MOK: variants seen among roughly 807,000 people sequenced by gnomAD.
MOK encodes the protein MAPK/MAK/MRK overlapping kinase.
A neutral mutation model predicts 54.2 loss-of-function variants in MOK; 59 were observed. The observed-to-expected ratio is 1.09, with a 90% confidence interval of 0.88 to 1.35. The LOEUF is 1.35. Among genes scored for constraint, MOK ranks in the 40% most tolerant of loss-of-function variants. The pLI is 0.00. For synonymous variants in MOK, 210 were observed against 202.7 expected (o/e 1.04, Z -0.31); for missense variants, 517 against 526.2 (o/e 0.98, Z 0.17).
At chr14:102,228,624 G>T (rs1244884310), downstream of MOK, among the ~76,000 whole-genome samples, 2 of 151,186 alleles carry the variant, frequency 1.3e-5, no homozygotes, top group South Asian at 4.2e-4. Flanking sequence ...CCTTGAACCC[G>T]GGAGGTGGAG....
downstream of MOK, chr14:102,226,406 G>A (rs974000779): frequency 1.0e-5 from 7 of 702,980 alleles, no homozygotes; most frequent in African/African-American, 3.5e-5. The surrounding 1 kb of genome is among the most constrained non-coding windows in gnomAD (Gnocchi z 4.8). Context: ...TCCGTTCTGG[G>A]TTCTGTGGGG....
rs954609475 is a variant in MOK, at chr14:102,235,906, C to T, written c.591-2117G>A. 1.3e-5 allele frequency among the ~76,000 whole-genome samples: 2 copies of T among 152,126 alleles called. No homozygotes were observed. Among genetic ancestry groups the T allele is most frequent in the Non-Finnish European group, 2.9e-5 (2 of 68,018 alleles). On this transcript the variant is annotated intron_variant, in intron 7 of 11. Transcript: ENST00000361847. The surrounding 1 kb of genome is among the most constrained non-coding windows in gnomAD (Gnocchi z 4.4). ...TAAATTAGATAAAGCCCAAAGAGAT[C>T]GTGCTAAATACCAGCTTCTAGCAGC...
intron 2 of MOK, among the ~76,000 whole-genome samples, chr14:102,282,479 A>T (rs2069547732): frequency 6.6e-6 from 1 of 152,150 alleles, no homozygotes; most frequent in East Asian, 1.9e-4. Flanking sequence ...TCATGCCTGT[A>T]ATCCCAGCCC....
chr14:102,286,298 CAAAAAAAAAAA>C (rs60479729), intron 1 of MOK, among the ~76,000 whole-genome samples: 7 of 25,598 alleles, frequency 2.7e-4, no homozygotes, highest in South Asian at 1.7e-3. Context: ...GACTCCGTCT[CAAAAAAAAAAA>C]AAAAAAAAAA....
At chr14:102,266,047 A>G in intron 2 of MOK, 135 bp from the exon 3 acceptor site, 1 of 636,888 alleles carries the variant, frequency 1.6e-6, no homozygotes, top group Non-Finnish European at 2.7e-6. Context: ...TATTTCTCCC[A>G]TTAGAAACTG....
chr14:102,298,670 A>G (rs2071743194), intron 1 of MOK, among the ~76,000 whole-genome samples: 1 of 152,200 alleles, frequency 6.6e-6, no homozygotes, highest in African/African-American at 2.4e-5. Context: ...GTGGTGCCAG[A>G]TAAGAGAATA....
downstream of MOK, chr14:102,222,956 C>T (rs999340172): frequency 1.1e-5 from 17 of 1,582,682 alleles, no homozygotes; most frequent in Admixed American, 8.4e-5. The surrounding 1 kb of genome is among the most constrained non-coding windows in gnomAD (Gnocchi z 4.4). Flanking sequence ...CTCCGAGCTG[C>T]GCCTGAGCCG....
At chr14:102,262,553 TATAAA>T (rs2067569324) in intron 4 of MOK, among the ~76,000 whole-genome samples, 3 of 152,384 alleles carry the variant, frequency 2.0e-5, no homozygotes, top group Non-Finnish European at 4.4e-5. Context: ...TTAAGTCACA[TATAAA>T]ATAAATATTG....
At chr14:102,251,084 T>A (rs1347525732) in intron 6 of MOK, 94 bp from the exon 7 acceptor site, 1 of 1,340,830 alleles carries the variant, frequency 7.5e-7, no homozygotes, top group Non-Finnish European at 1.0e-6. Flanking sequence ...GCAGGAAAAT[T>A]ACTAGCATCT....
chr14:102,288,036 T>G (rs1002331978), intron 1 of MOK, among the ~76,000 whole-genome samples: 1 of 150,232 alleles, frequency 6.7e-6, no homozygotes, highest in Non-Finnish European at 1.5e-5. Flanking sequence ...GGGTTTCACC[T>G]TGTTAGCCAG....
chr14:102,234,094 C>T (rs544405641), intron 7 of MOK: 8 of 261,380 alleles, frequency 3.1e-5, no homozygotes, highest in South Asian at 2.4e-4. Flanking sequence ...GACTGTTAAG[C>T]GGCCGGTGGC....
chr14:102,291,868 G>C (rs1169073507), intron 1 of MOK, among the ~76,000 whole-genome samples: 1 of 151,700 alleles, frequency 6.6e-6, no homozygotes, highest in Non-Finnish European at 1.5e-5. Flanking sequence ...TGAGACAGAA[G>C]AACTGTCTGA....
chr14:102,281,750 C>G (rs1026327624), intron 2 of MOK, among the ~76,000 whole-genome samples: 1 of 152,028 alleles, frequency 6.6e-6, no homozygotes, highest in African/African-American at 2.4e-5. Context: ...CAGCTGTCTG[C>G]TCTTTAGATA....
chr14:102,267,330 C>T (rs900727230), intron 2 of MOK, among the ~76,000 whole-genome samples: 11 of 152,166 alleles, frequency 7.2e-5, no homozygotes, highest in African/African-American at 1.2e-4. Context: ...CTTTGGGAGG[C>T]CAAGGCAGGT....
At chr14:102,278,218 C>G (rs181791777) in intron 2 of MOK, among the ~76,000 whole-genome samples, 1 of 152,048 alleles carries the variant, frequency 6.6e-6, no homozygotes, top group Non-Finnish European at 1.5e-5. Context: ...TTAAGCCAGA[C>G]AGAATACAGT....
chr14:102,288,125 C>T (rs1432196504), intron 1 of MOK, among the ~76,000 whole-genome samples: 2 of 152,166 alleles, frequency 1.3e-5, no homozygotes, highest in African/African-American at 2.4e-5. Context: ...TGAGCCACCG[C>T]ACCCGGCCTG....
In MOK at chr14:102,249,566, G is replaced by A. The variant is rs920498304; in HGVS notation, c.590+1246C>T. Among the ~76,000 whole-genome samples, 72 of 152,096 alleles carry A rather than the reference G, an allele frequency of 4.7e-4. No individual in the cohort carries two copies. The highest frequency in any genetic ancestry group is 1.6e-3 in the African/African-American group (65 of 41,414). The stretch of plus-strand genomic sequence containing the variant: ...CTCTACTAAAAATACAAAATTAGCC[G>A]GGCGTGGTGGTGCATGCCTGTAATC... On this transcript the variant is annotated intron_variant, in intron 7 of 11. Coordinates refer to ENST00000361847, the MANE Select transcript of MOK (RefSeq NM_014226.3). The surrounding 1 kb of genome is among the most constrained non-coding windows in gnomAD (Gnocchi z 5.3).
rs746809964 is a variant in MOK at position 102,250,815 on chromosome 14, G to A, written c.587C>T (p.Ala196Val). Residue 196 changes from alanine to valine, a missense_variant, in exon 7 of 12, where the codon GCC becomes GTC. Ala to Val is a moderately conservative substitution (Grantham distance 64). Transcript: ENST00000361847. ...CAGGAGCCTGGCCTGGTGCTACCTG[G>A]CGATCTCGTAGAACACACAGCCGGC... Reference protein sequence around the residue: ...WSAGCVFYEIASLQPLFPGVN... With the variant: ...WSAGCVFYEIVSLQPLFPGVN... 6 of 1,613,046 alleles carry A rather than the reference G, an allele frequency of 3.7e-6. No homozygotes were observed. The Admixed American group carries it at 1.0e-4, about 27-fold the overall frequency.
At chr14:102,224,638 T>C (rs1597200771), downstream of MOK, 1 of 455,946 alleles carries the variant, frequency 2.2e-6, no homozygotes, top group Admixed American at 2.3e-5. Flanking sequence ...TCACCATTTG[T>C]ATGAATGCAG....
Sources: gnomAD v4.1 joint callset for allele counts (sites outside exome capture counted in the v4.1 genomes callset) on GRCh38, gnomAD v4.1.1 for gene constraint, Gnocchi (gnomAD v3.1) non-coding constraint, MANE v1.5 for transcripts, NCBI Gene and HGNC (gene_info 2026-07-23, HGNC 2026-07-21) for gene names.